Variants in PTPRD observed in about 807,000 individuals in gnomAD.
PTPRD encodes the protein receptor-type tyrosine-protein phosphatase delta.
A neutral mutation model predicts 214.5 loss-of-function variants in PTPRD; 34 were observed. That is an observed-to-expected ratio of 0.16 (90% confidence interval 0.12 to 0.21). The LOEUF is 0.21. Among genes scored for constraint, PTPRD ranks in the 10% least tolerant of loss-of-function variants. PTPRD has a pLI of 1.00. For missense variants in PTPRD, 2,545 were observed against 2,398.7 expected, an observed-to-expected ratio of 1.06 and a Z score of -1.27; for synonymous variants, 1,128 against 845.7, an observed-to-expected ratio of 1.33 and a Z score of -5.79.
At chr9:9,728,991 G>A (rs1185441834) in intron 7 of PTPRD, among the ~76,000 whole-genome samples, 2 of 152,062 alleles carry the variant, frequency 1.3e-5, no homozygotes, top group Non-Finnish European at 2.9e-5. Flanking sequence ...GGTACTGCAG[G>A]TTATTTGGTA....
At chr9:9,779,750 C>T (rs2098828214) in intron 5 of PTPRD, among the ~76,000 whole-genome samples, 1 of 152,140 alleles carries the variant, frequency 6.6e-6, no homozygotes, top group South Asian at 2.1e-4. Flanking sequence ...ACTTATATTC[C>T]TACCAACAAG....
intron 3 of PTPRD, among the ~76,000 whole-genome samples, chr9:10,240,723 T>A (rs2099644585): frequency 6.6e-6 from 1 of 151,918 alleles, no homozygotes; most frequent in Non-Finnish European, 1.5e-5. Flanking sequence ...CAATAACCCC[T>A]AACAAATAAC....
rs754392110 is a variant in PTPRD at position 10,056,425 on chromosome 9, T to C, written c.-544-22635A>G. Among the ~76,000 whole-genome samples the C allele has an allele frequency of 4.5e-4, 69 of 151,894 alleles. 1 individual carries two copies. Among genetic ancestry groups the C allele is most frequent in the Admixed American group, 3.3e-4 (5 of 15,254 alleles). On this transcript the variant is annotated intron_variant, in intron 3 of 45. Coordinates refer to ENST00000381196, the MANE Select transcript of PTPRD (RefSeq NM_002839.4). The stretch of plus-strand genomic sequence containing the variant: ...AAGATACCCACAGGAGGATAACCTC[T>C]TTTATTAGCTGCTGGAAAGAAAAAA...
At chr9:8,813,045 T>C (rs566773710) in intron 11 of PTPRD, among the ~76,000 whole-genome samples, 1 of 152,298 alleles carries the variant, frequency 6.6e-6, no homozygotes, top group South Asian at 2.1e-4. Flanking sequence ...GGATCTACAC[T>C]GCATAGCTAT....
At chr9:8,639,658 G>C (rs1236214869) in intron 12 of PTPRD, among the ~76,000 whole-genome samples, 2 of 152,200 alleles carry the variant, frequency 1.3e-5, no homozygotes, top group Non-Finnish European at 2.9e-5. Flanking sequence ...AAAGAATGAA[G>C]AAGAGTTGGC....
At chr9:10,547,887 C>G (rs188926644) in intron 2 of PTPRD, among the ~76,000 whole-genome samples, 2 of 151,858 alleles carry the variant, frequency 1.3e-5, no homozygotes, top group Non-Finnish European at 2.9e-5. Context: ...TGGTTGGGAT[C>G]GTGTTTTAAT....
At chr9:8,494,759 G>A (rs532993742) in intron 26 of PTPRD, among the ~76,000 whole-genome samples, 2 of 152,308 alleles carry the variant, frequency 1.3e-5, no homozygotes, top group South Asian at 4.1e-4. Context: ...AATGCGTCAA[G>A]TTCCCTGCAG....
intron 2 of PTPRD, among the ~76,000 whole-genome samples, chr9:10,462,218 T>C (rs2098964206): frequency 6.6e-6 from 1 of 152,130 alleles, no homozygotes; most frequent in Non-Finnish European, 1.5e-5. Context: ...ATACAGTTTA[T>C]TTTAAAAAAT....
At position 9,364,405 on chromosome 9, in the gene PTPRD, T is replaced by C. The variant is rs371865479; in HGVS notation, c.-203+33044A>G. On this transcript the variant is annotated intron_variant, in intron 9 of 45. Coordinates refer to ENST00000381196, the MANE Select transcript of PTPRD (RefSeq NM_002839.4). ...AAAGTATGTCAGATATTGGTGAGTG[T>C]TGGAGAAGGGAATGTATTTTGAGAC... Among the ~76,000 whole-genome samples the C allele has an allele frequency of 1.5e-4, 23 of 151,450 alleles. No homozygotes were observed. In the East Asian group the frequency reaches 2.2e-3, roughly 14 times the overall value.
chr9:9,377,824 C>T (rs1271661260), intron 9 of PTPRD, among the ~76,000 whole-genome samples: 1 of 152,052 alleles, frequency 6.6e-6, no homozygotes, highest in Non-Finnish European at 1.5e-5. Flanking sequence ...AGGGTCATAC[C>T]TATTAGGCAT....
chr9:9,342,405 A>C (rs1361169016), intron 9 of PTPRD, among the ~76,000 whole-genome samples: 1 of 152,162 alleles, frequency 6.6e-6, no homozygotes, highest in African/African-American at 2.4e-5. Context: ...GGTTAAAAGG[A>C]AAAGTAGAGA....
chr9:10,323,932 G>GA (rs751723713), intron 3 of PTPRD, among the ~76,000 whole-genome samples: 2 of 151,544 alleles, frequency 1.3e-5, no homozygotes, highest in Non-Finnish European at 2.9e-5. Flanking sequence ...GTTCTCTAAG[G>GA]AAAAAAAATT....
intron 11 of PTPRD, among the ~76,000 whole-genome samples, chr9:8,881,618 TAA>T (rs939329699): frequency 6.6e-6 from 1 of 152,196 alleles, no homozygotes; most frequent in Non-Finnish European, 1.5e-5. Flanking sequence ...CGTGTTTTTC[TAA>T]AAGTGTGGAA....
intron 34 of PTPRD, among the ~76,000 whole-genome samples, chr9:8,444,424 T>A (rs1049932700): frequency 6.6e-6 from 1 of 152,130 alleles, no homozygotes; most frequent in Non-Finnish European, 1.5e-5. Context: ...AATAACTACA[T>A]ACACAAATTA....
intron 2 of PTPRD, among the ~76,000 whole-genome samples, chr9:10,341,490 T>C (rs2096938472): frequency 6.6e-6 from 1 of 151,966 alleles, no homozygotes; most frequent in African/African-American, 2.4e-5. Context: ...TGTTTTGCGT[T>C]TCAAAGATAA....
intron 5 of PTPRD, among the ~76,000 whole-genome samples, chr9:9,911,938 T>C (rs1477219535): frequency 1.3e-5 from 2 of 152,132 alleles, no homozygotes; most frequent in African/African-American, 4.8e-5. Flanking sequence ...GTCACTGTTA[T>C]GGAACCAGCT....
chr9:9,517,338 A>C (rs1012228598), intron 8 of PTPRD, among the ~76,000 whole-genome samples: 3 of 152,120 alleles, frequency 2.0e-5, no homozygotes, highest in Non-Finnish European at 4.4e-5. Flanking sequence ...GACTAATTTG[A>C]AATTTTAGTA....
At chr9:8,762,809 T>C (rs528774228) in intron 11 of PTPRD, among the ~76,000 whole-genome samples, 9 of 152,250 alleles carry the variant, frequency 5.9e-5, no homozygotes, top group South Asian at 2.1e-4. Flanking sequence ...TATAGCTATA[T>C]AGATAAGTGA....
At chr9:9,375,059 T>C (rs955576243) in intron 9 of PTPRD, among the ~76,000 whole-genome samples, 2 of 152,172 alleles carry the variant, frequency 1.3e-5, no homozygotes, top group Non-Finnish European at 2.9e-5. Flanking sequence ...AACATAGGTC[T>C]ATAACCAAAC....
Sources: gnomAD v4.1 joint callset for allele counts (sites outside exome capture counted in the v4.1 genomes callset) on GRCh38, gnomAD v4.1.1 for gene constraint, MANE v1.5 for transcripts, NCBI Gene and HGNC (gene_info 2026-07-23, HGNC 2026-07-21) for gene names.